Variants in CFAP418 observed in about 807,000 individuals in gnomAD.
CFAP418 encodes the protein cilia- and flagella-associated protein 418.
In CFAP418, 27 loss-of-function variants were observed where a neutral mutation model predicts 24.7. The ratio of observed to expected loss-of-function variants is 1.09; its 90% CI spans 0.81 to 1.51. The LOEUF is 1.51. CFAP418 is among the 40% of genes most tolerant of loss of function. The probability of loss-of-function intolerance (pLI) is 0.00; values close to 1 mark genes in which losing one functional copy is unlikely to be tolerated. For synonymous variants in CFAP418, 74 were observed against 87.3 expected, an observed-to-expected ratio of 0.85 and a Z score of 0.85; for missense variants, 257 against 255.2, an observed-to-expected ratio of 1.01 and a Z score of -0.05.
intron 4 of CFAP418, among the ~76,000 whole-genome samples, chr8:95,255,379 G>A (rs748875199): frequency 1.8e-4 from 28 of 152,204 alleles, no homozygotes; most frequent in Non-Finnish European, 2.5e-4. Flanking sequence ...CTAAACATGC[G>A]TGTGCTCTGG....
Position 95,254,117 on chromosome 8 carries a change from T to C in CFAP418, c.375-1834A>G, listed in dbSNP as rs367818479. Among the ~76,000 whole-genome samples the C allele has an allele frequency of 7.9e-5, 12 of 152,358 alleles. No individual in the cohort carries two copies. The East Asian group carries it at 2.1e-3, about 27-fold the overall frequency. ...ATTCCACTGCTACGATTTACTCTAT[T>C]AGATCATAATTAGTACCAGTCTATG... is the stretch of plus-strand genomic sequence containing the variant. On this transcript the variant is annotated intron_variant, in intron 4 of 5. Transcript: ENST00000286688.
Position 95,246,619 on chromosome 8 carries a change from T to C in CFAP418, c.*998A>G, listed in dbSNP as rs1212386995. On this transcript the variant is annotated 3_prime_UTR_variant, in exon 6 of 6. Transcript: ENST00000286688. ...CAATGGGGTTGGGAGCTAGAAATTT[T>C]GAGGGACCTGATTTCCTGAATGTGC... The C allele has an allele frequency of 6.6e-6, 1 of 152,124 alleles. No individual in the cohort carries two copies. The highest frequency in any genetic ancestry group is 6.5e-5 in the Admixed American group (1 of 15,282). 9.4% of individuals were successfully genotyped at this position (152,124 alleles called of 1,614,324 possible).
At position 95,269,075 on chromosome 8, in the gene CFAP418, TG is replaced by T; in HGVS notation, c.114del (p.His38GlnfsTer46). On this transcript the variant is annotated frameshift_variant, in exon 1 of 6. Coordinates refer to ENST00000286688, the MANE Select transcript of CFAP418 (RefSeq NM_177965.4). LOFTEE classifies it high-confidence loss of function. ...GCCTTGGCTTGGTTCCGGTCGCTACTGTGGGTGCCGCCGCCGCAGCCTTTGG... is the reference window on the plus strand; with the variant it reads ...GCCTTGGCTTGGTTCCGGTCGCTACTTGGGTGCCGCCGCCGCAGCCTTTGG... ...EQPKGCGGGTHSSDRNQAKAK... is the reference protein window; with the variant it reads ...EQPKGCGGGTXSSDRNQAKAK... 1 of 1,614,172 alleles carries T rather than the reference TG, an allele frequency of 6.2e-7. No individual in the cohort carries two copies. The highest frequency in any genetic ancestry group is 8.5e-7 in the Non-Finnish European group (1 of 1,180,014).
chr8:95,259,044 G>C (rs748506199), intron 4 of CFAP418, among the ~76,000 whole-genome samples: 2 of 152,164 alleles, frequency 1.3e-5, no homozygotes, highest in Non-Finnish European at 2.9e-5. Flanking sequence ...CTATACAACA[G>C]TTAGCCCTCC....
intron 4 of CFAP418, among the ~76,000 whole-genome samples, chr8:95,258,416 A>C (rs1250446202): frequency 1.3e-5 from 2 of 151,084 alleles, no homozygotes; most frequent in African/African-American, 4.8e-5. Flanking sequence ...AAAAACAATG[A>C]AACAATAGAA....
chr8:95,260,435 T>C lies in CFAP418; in HGVS notation c.308+33A>G, dbSNP rs760875811. On this transcript the variant is annotated intron_variant, in intron 3 of 5. Transcript: ENST00000286688. ...TATGCTCATAGTGTTTGCTCAATAGTGTGTATAATTCACCAAAGCAATCTC... is the reference window on the plus strand; with the variant it reads ...TATGCTCATAGTGTTTGCTCAATAGCGTGTATAATTCACCAAAGCAATCTC... The C allele has an allele frequency of 1.4e-6, 2 of 1,454,914 alleles. 1 individual carries two copies. The highest frequency in any genetic ancestry group is 1.9e-6 in the Non-Finnish European group (2 of 1,058,180). 90.1% of individuals were successfully genotyped at this position (1,454,914 alleles called of 1,614,324 possible). A position where few individuals can be genotyped will look rare whatever the true frequency, so the allele number is the denominator to read the frequency against.
chr8:95,261,827 T>C lies in CFAP418; in HGVS notation c.244-1295A>G, dbSNP rs532698394. Among the ~76,000 whole-genome samples, 78 of 152,342 alleles carry C rather than the reference T, an allele frequency of 5.1e-4. 1 individual carries two copies. The South Asian group carries it at 0.016, about 30-fold the overall frequency. On this transcript the variant is annotated intron_variant, in intron 2 of 5. Coordinates refer to ENST00000286688, the MANE Select transcript of CFAP418 (RefSeq NM_177965.4). ...TTCTGAAACACCTTAACTGAAAAGATAGCGCCTCATATACAGATATGCACC... is the reference window on the plus strand; with the variant it reads ...TTCTGAAACACCTTAACTGAAAAGACAGCGCCTCATATACAGATATGCACC...
intron 1 of CFAP418, 149 bp downstream of exon 1, chr8:95,268,886 G>A (rs1812078894): frequency 1.1e-5 from 9 of 806,318 alleles, no homozygotes; most frequent in Non-Finnish European, 1.6e-5. Flanking sequence ...GCGCTGCCGC[G>A]GAGGGTAGGG....
chr8:95,267,957 G>A (rs76390180), intron 1 of CFAP418, among the ~76,000 whole-genome samples: 1 of 151,742 alleles, frequency 6.6e-6, no homozygotes, highest in African/African-American at 2.4e-5. Flanking sequence ...GAGGAAAAAC[G>A]ACTGGTAAAT....
chr8:95,258,359 G>T (rs1326009724), intron 4 of CFAP418, among the ~76,000 whole-genome samples: 2 of 139,206 alleles, frequency 1.4e-5, no homozygotes, highest in African/African-American at 5.4e-5. Flanking sequence ...TCCAGCCTGG[G>T]CGACAGAGCG....
intron 1 of CFAP418, chr8:95,268,760 C>CGGGGCGGGGA: frequency 2.6e-5 from 2 of 77,836 alleles, no homozygotes; most frequent in Non-Finnish European, 4.1e-5. Context: ...GCGGGCGGGG[C>CGGGGCGGGGA]GGGGCGGGGC....
At chr8:95,267,762 A>G (rs1812020459) in intron 1 of CFAP418, among the ~76,000 whole-genome samples, 1 of 152,222 alleles carries the variant, frequency 6.6e-6, no homozygotes, top group Non-Finnish European at 1.5e-5. Flanking sequence ...AGATTGATCC[A>G]AAGTTGCCTC....
chr8:95,252,542 T>A (rs1260910478), intron 4 of CFAP418, among the ~76,000 whole-genome samples: 2 of 152,238 alleles, frequency 1.3e-5, no homozygotes, highest in African/African-American at 4.8e-5. Flanking sequence ...TATATAGATA[T>A]GAAAGAAAAT....
At chr8:95,268,867 T>G in intron 1 of CFAP418, 168 bp downstream of exon 1, 3 of 694,276 alleles carry the variant, frequency 4.3e-6, no homozygotes, top group Non-Finnish European at 4.8e-6. Flanking sequence ...GCGAAGAGGG[T>G]CGACGAATGC....
intron 3 of CFAP418, 50 bp downstream of exon 3, chr8:95,260,418 T>A: frequency 7.8e-7 from 1 of 1,282,290 alleles, no homozygotes. Flanking sequence ...ACTATGCTCA[T>A]AGTGTTTGCT....
chr8:95,255,086 T>G lies in CFAP418; in HGVS notation c.375-2803A>C, dbSNP rs572666778. ...ACTACTGCCCATTGACTAGTCTTCC[T>G]GTGTCCTTTCCTGTCTTGCCCCTCC... On this transcript the variant is annotated intron_variant, in intron 4 of 5. Coordinates refer to ENST00000286688, the MANE Select transcript of CFAP418 (RefSeq NM_177965.4). Among the ~76,000 whole-genome samples the G allele has an allele frequency of 1.5e-4, 23 of 152,350 alleles. No homozygotes were observed. The South Asian group carries it at 4.4e-3, about 29-fold the overall frequency.
chr8:95,264,008 A>G (rs533744581), intron 1 of CFAP418, among the ~76,000 whole-genome samples: 371 of 152,334 alleles, frequency 2.4e-3, no homozygotes, highest in African/African-American at 8.0e-3. Context: ...TACATACTTC[A>G]GACATTTACA....
intron 5 of CFAP418, among the ~76,000 whole-genome samples, chr8:95,248,624 C>A (rs1166175558): frequency 6.6e-6 from 1 of 151,986 alleles, no homozygotes; most frequent in Non-Finnish European, 1.5e-5. Flanking sequence ...AAATGATAAA[C>A]ACTGGATTTC....
At chr8:95,262,959 T>C (rs1811917933) in intron 2 of CFAP418, among the ~76,000 whole-genome samples, 1 of 152,234 alleles carries the variant, frequency 6.6e-6, no homozygotes, top group Non-Finnish European at 1.5e-5. Flanking sequence ...GGCAGAGTTA[T>C]ACAATGGACT....
Sources: gnomAD v4.1 joint callset for allele counts (sites outside exome capture counted in the v4.1 genomes callset) on GRCh38, gnomAD v4.1.1 for gene constraint, MANE v1.5 for transcripts, NCBI Gene and HGNC (gene_info 2026-07-23, HGNC 2026-07-21) for gene names.